EPHA6: variants seen among roughly 807,000 people sequenced by gnomAD.
EPHA6 encodes ephrin type-A receptor 6.
EPHA6 carries 50 observed loss-of-function variants against 112.0 expected under a neutral mutation model. The observed-to-expected ratio is 0.45, with a 90% confidence interval of 0.36 to 0.56. The LOEUF (loss-of-function observed/expected upper bound fraction) is 0.56. Among genes scored for constraint, EPHA6 ranks in the 20% least tolerant of loss-of-function variants. EPHA6 has a pLI of 0.00. For synonymous variants in EPHA6, 529 were observed against 490.7 expected (o/e 1.08, Z -1.03); for missense variants, 1,280 against 1,417.4 (o/e 0.90, Z 1.56).
At chr3:97,416,303 T>A (rs2107160202) in intron 6 of EPHA6, among the ~76,000 whole-genome samples, 1 of 152,228 alleles carries the variant, frequency 6.6e-6, no homozygotes, top group Non-Finnish European at 1.5e-5. Flanking sequence ...AATCCAAGAC[T>A]TTTTGGCAAT....
chr3:97,336,312 A>T (rs535386835), intron 5 of EPHA6, among the ~76,000 whole-genome samples: 53 of 152,182 alleles, frequency 3.5e-4, no homozygotes, highest in Non-Finnish European at 7.3e-4. Flanking sequence ...GAGGTTAGAA[A>T]AAAGATATGG....
intron 5 of EPHA6, among the ~76,000 whole-genome samples, chr3:97,248,852 A>G (rs1378052187): frequency 1.3e-5 from 2 of 152,136 alleles, no homozygotes; most frequent in Non-Finnish European, 2.9e-5. Flanking sequence ...GATTTTAGAA[A>G]TACAGTCTAT....
intron 14 of EPHA6, among the ~76,000 whole-genome samples, chr3:97,686,324 C>T (rs898934520): frequency 6.6e-6 from 1 of 152,170 alleles, no homozygotes; most frequent in African/African-American, 2.4e-5. Context: ...TTCCTTCTCT[C>T]CCTCTTCCCA....
At position 97,760,371 on chromosome 3, in the gene EPHA6, C is replaced by T. The variant is rs973744317; in HGVS notation, c.*11670C>T. On this transcript the variant is annotated 3_prime_UTR_variant, in exon 18 of 18. Transcript: ENST00000389672. Reference sequence around the variant, plus strand: ...ATATATTATATATATGTATATATACCATATGTATATATACATATGTATGTG... The same window carrying T: ...ATATATTATATATATGTATATATACTATATGTATATATACATATGTATGTG... The T allele has an allele frequency of 6.4e-6, 1 of 156,310 alleles. No individual in the cohort carries two copies. The highest frequency in any genetic ancestry group is 2.5e-5 in the African/African-American group (1 of 40,024). 9.7% of individuals were successfully genotyped at this position (156,310 alleles called of 1,614,324 possible). A position where few individuals can be genotyped will look rare whatever the true frequency, so the allele number is the denominator to read the frequency against.
chr3:97,407,549 T>C (rs1404176671), intron 6 of EPHA6, among the ~76,000 whole-genome samples: 2 of 151,972 alleles, frequency 1.3e-5, no homozygotes, highest in African/African-American at 2.4e-5. Flanking sequence ...TATTGCTTTA[T>C]GGGTTATAAT....
Position 97,511,305 on chromosome 3 carries a change from G to A in EPHA6, c.2201-21053G>A, listed in dbSNP as rs1439072191. Among the ~76,000 whole-genome samples, 3 of 152,180 alleles carry A rather than the reference G, an allele frequency of 2.0e-5. No homozygotes were observed. The East Asian group carries it at 5.8e-4, about 29-fold the overall frequency. On this transcript the variant is annotated intron_variant, in intron 10 of 17. Coordinates refer to ENST00000389672, the MANE Select transcript of EPHA6 (RefSeq NM_001080448.3). Reference sequence around the variant, plus strand: ...TTTGTGCTTGAAATCCAGGGCTCTGGTGGTGTATGCACCCAAGGGAATCTC... The same window carrying A: ...TTTGTGCTTGAAATCCAGGGCTCTGATGGTGTATGCACCCAAGGGAATCTC...
intron 2 of EPHA6, among the ~76,000 whole-genome samples, chr3:96,927,797 T>A (rs1287329740): frequency 2.0e-5 from 3 of 152,150 alleles, no homozygotes; most frequent in African/African-American, 7.2e-5. Flanking sequence ...AGTGCCCCAC[T>A]CCGGGTACCA....
intron 1 of EPHA6, among the ~76,000 whole-genome samples, chr3:96,861,654 T>C (rs2036014037): frequency 6.6e-6 from 1 of 151,908 alleles, no homozygotes; most frequent in East Asian, 1.9e-4. Context: ...CAGATGTAAC[T>C]GAAGGGATAG....
chr3:97,725,826 A>G (rs902541733), intron 15 of EPHA6, among the ~76,000 whole-genome samples: 1 of 152,040 alleles, frequency 6.6e-6, no homozygotes, highest in Non-Finnish European at 1.5e-5. Context: ...TGGAGGGGAA[A>G]ATCACCCCCA....
At chr3:97,179,913 C>G (rs1269440013) in intron 3 of EPHA6, among the ~76,000 whole-genome samples, 1 of 152,026 alleles carries the variant, frequency 6.6e-6, no homozygotes, top group African/African-American at 2.4e-5. Context: ...TGTGTTCACT[C>G]AAGACCCTGG....
At chr3:96,914,322 T>C (rs1463390196) in intron 2 of EPHA6, among the ~76,000 whole-genome samples, 1 of 152,148 alleles carries the variant, frequency 6.6e-6, no homozygotes. Context: ...GCTTATTTGG[T>C]AAAGTTTTAA....
chr3:97,699,245 T>A (rs1441676182), intron 14 of EPHA6, among the ~76,000 whole-genome samples: 1 of 152,202 alleles, frequency 6.6e-6, no homozygotes, highest in African/African-American at 2.4e-5. Flanking sequence ...TGATAAAGAA[T>A]ATAGGACAGG....
At chr3:97,708,081 G>C (rs2033776139) in intron 14 of EPHA6, among the ~76,000 whole-genome samples, 2 of 152,220 alleles carry the variant, frequency 1.3e-5, no homozygotes, top group Non-Finnish European at 2.9e-5. Context: ...AAGCAACTTT[G>C]GAACTGAATA....
intron 14 of EPHA6, among the ~76,000 whole-genome samples, chr3:97,700,388 G>T (rs1018501384): frequency 1.3e-5 from 2 of 152,200 alleles, no homozygotes; most frequent in African/African-American, 4.8e-5. Context: ...CTTCAGGGCT[G>T]TGTCACTGAA....
At chr3:97,051,609 G>A (rs2045687393) in intron 3 of EPHA6, among the ~76,000 whole-genome samples, 1 of 152,076 alleles carries the variant, frequency 6.6e-6, no homozygotes, top group Non-Finnish European at 1.5e-5. Flanking sequence ...AATTAGGAAT[G>A]TGTATTTTTA....
At chr3:97,087,442 A>C (rs2046937224) in intron 3 of EPHA6, among the ~76,000 whole-genome samples, 2 of 152,122 alleles carry the variant, frequency 1.3e-5, no homozygotes, top group Admixed American at 1.3e-4. Flanking sequence ...TTGAACTGAA[A>C]GCTGATTTAT....
chr3:97,624,029 C>G (rs2107511927), intron 13 of EPHA6, among the ~76,000 whole-genome samples: 1 of 151,168 alleles, frequency 6.6e-6, no homozygotes, highest in Non-Finnish European at 1.5e-5. Context: ...TTCTGTGTTT[C>G]TGCCAAAAAA....
At chr3:96,977,428 T>C (rs2042577501) in intron 2 of EPHA6, among the ~76,000 whole-genome samples, 1 of 152,128 alleles carries the variant, frequency 6.6e-6, no homozygotes, top group South Asian at 2.1e-4. Flanking sequence ...TGTACATTAT[T>C]CCGGTGATGA....
chr3:97,200,560 C>G (rs2108496707), intron 3 of EPHA6, among the ~76,000 whole-genome samples: 1 of 152,216 alleles, frequency 6.6e-6, no homozygotes, highest in Admixed American at 6.5e-5. Flanking sequence ...TGTGTTCCCT[C>G]CAGCAATGAA....
Sources: allele counts gnomAD v4.1 joint callset (sites outside exome capture counted in the v4.1 genomes callset), GRCh38; gene constraint gnomAD v4.1.1; transcripts MANE v1.5; gene names NCBI Gene and HGNC (gene_info 2026-07-23, HGNC 2026-07-21).